TOX: variants seen among roughly 807,000 people sequenced by gnomAD.
TOX encodes thymocyte selection associated high mobility group box.
Under a neutral mutation model 53.7 loss-of-function variants are expected in TOX, and 11 were observed. The ratio of observed to expected loss-of-function variants is 0.20; its 90% CI spans 0.13 to 0.34. The LOEUF (loss-of-function observed/expected upper bound fraction) is 0.34, where lower values mean the gene tolerates loss of function less well. Ranked by LOEUF, TOX falls within the 10% of genes least tolerant of loss-of-function variation. The pLI, the probability that TOX is intolerant of heterozygous loss-of-function variation, is 1.00. For synonymous variants in TOX, 225 were observed against 245.3 expected, an observed-to-expected ratio of 0.92 and a Z score of 0.77; for missense variants, 570 against 664.6, an observed-to-expected ratio of 0.86 and a Z score of 1.56.
chr8:59,117,103 G>A lies in TOX; in HGVS notation c.102+1783C>T, dbSNP rs557966586. 2.4e-3 allele frequency among the ~76,000 whole-genome samples: 372 copies of A among 152,278 alleles called. 1 individual carries two copies. Among genetic ancestry groups the A allele is most frequent in the African/African-American group, 8.3e-3 (345 of 41,558 alleles). On this transcript the variant is annotated intron_variant, in intron 1 of 8. Coordinates refer to ENST00000361421, the MANE Select transcript of TOX (RefSeq NM_014729.3). This position sits in a 1 kb window ranked among gnomAD's most constrained non-coding sequence, Gnocchi z 4.6. The stretch of plus-strand genomic sequence containing the variant: ...ATCACTGATAAACTTAATAAGATTT[G>A]TCCAGTCTCATTGCCAAAATAGTTC...
intron 2 of TOX, among the ~76,000 whole-genome samples, chr8:58,940,004 A>T (rs1377633717): frequency 6.6e-6 from 1 of 152,226 alleles, no homozygotes; most frequent in Admixed American, 6.5e-5. Context: ...TTGAAAGGCT[A>T]CCTGCTCACA....
chr8:59,113,957 T>G (rs1805061798), intron 1 of TOX, among the ~76,000 whole-genome samples: 1 of 152,154 alleles, frequency 6.6e-6, no homozygotes. Context: ...CCCACTACCT[T>G]CGTCATTTTC....
At chr8:59,087,224 T>C (rs1018393626) in intron 1 of TOX, among the ~76,000 whole-genome samples, 4 of 152,200 alleles carry the variant, frequency 2.6e-5, no homozygotes, top group African/African-American at 7.2e-5. Flanking sequence ...TTGTGAAGCA[T>C]GGCACCCAGG....
At chr8:58,912,885 G>C (rs544350337) in intron 3 of TOX, among the ~76,000 whole-genome samples, 11 of 152,182 alleles carry the variant, frequency 7.2e-5, no homozygotes, top group Non-Finnish European at 1.2e-4. Context: ...TCTTACAGCA[G>C]AGTGTTCTAC....
intron 3 of TOX, among the ~76,000 whole-genome samples, chr8:58,938,175 G>A (rs1812378510): frequency 6.6e-6 from 1 of 152,078 alleles, no homozygotes; most frequent in African/African-American, 2.4e-5. Flanking sequence ...AACTACTTTG[G>A]AGTTTCTTTT....
At chr8:59,109,831 T>C (rs1804979979) in intron 1 of TOX, among the ~76,000 whole-genome samples, 1 of 152,120 alleles carries the variant, frequency 6.6e-6, no homozygotes, top group South Asian at 2.1e-4. Flanking sequence ...AGGAGCTGAA[T>C]CTCAAAAGGC....
intron 3 of TOX, among the ~76,000 whole-genome samples, chr8:58,890,063 A>G (rs1404331944): frequency 6.6e-6 from 1 of 152,178 alleles, no homozygotes; most frequent in Non-Finnish European, 1.5e-5. Flanking sequence ...GTGAGGTGTA[A>G]TCATTTGCAC....
chr8:58,983,603 CA>C (rs747183447), intron 1 of TOX, among the ~76,000 whole-genome samples: 1 of 152,170 alleles, frequency 6.6e-6, no homozygotes, highest in Non-Finnish European at 1.5e-5. Context: ...GAACTCCATA[CA>C]AATAAATATC....
At chr8:59,070,931 C>G (rs561309002) in intron 1 of TOX, among the ~76,000 whole-genome samples, 3 of 152,076 alleles carry the variant, frequency 2.0e-5, no homozygotes, top group African/African-American at 7.2e-5. Context: ...AACCCCTGTA[C>G]GATAGAGAAA....
intron 3 of TOX, among the ~76,000 whole-genome samples, chr8:58,895,083 G>C (rs556197219): frequency 6.6e-6 from 1 of 152,132 alleles, no homozygotes; most frequent in Admixed American, 6.6e-5. Flanking sequence ...AGCTACTCAG[G>C]AGGCTGAGGC....
rs185071639 is a variant in TOX, at chr8:58,961,860, T to C, written c.103-1852A>G. On this transcript the variant is annotated intron_variant, in intron 1 of 8. Transcript: ENST00000361421. ...ATAGGCCAGCCCCAACCAATCTGCCTGTTACTCCTAACAACTCAAGACCTA... is the reference window on the plus strand; with the variant it reads ...ATAGGCCAGCCCCAACCAATCTGCCCGTTACTCCTAACAACTCAAGACCTA... 2.9e-3 allele frequency among the ~76,000 whole-genome samples: 443 copies of C among 152,320 alleles called. 5 individuals are homozygous for C. The highest frequency in any genetic ancestry group is 2.8e-3 in the Non-Finnish European group (193 of 68,034).
intron 1 of TOX, among the ~76,000 whole-genome samples, chr8:59,109,236 G>A (rs565134770): frequency 6.6e-6 from 1 of 152,154 alleles, no homozygotes; most frequent in African/African-American, 2.4e-5. Context: ...TAATTATAAA[G>A]GAGCTCACGG....
intron 1 of TOX, among the ~76,000 whole-genome samples, chr8:59,010,922 T>C (rs1813893762): frequency 1.3e-5 from 2 of 152,202 alleles, no homozygotes; most frequent in South Asian, 4.1e-4. Flanking sequence ...TGTGCCTATC[T>C]GCATAGCTGA....
At chr8:58,956,977 T>C (rs1812720209) in intron 2 of TOX, among the ~76,000 whole-genome samples, 1 of 152,242 alleles carries the variant, frequency 6.6e-6, no homozygotes, top group African/African-American at 2.4e-5. Context: ...TTGTTCATCC[T>C]ACATATCACT....
At chr8:59,114,403 G>T (rs1805067321) in intron 1 of TOX, among the ~76,000 whole-genome samples, 1 of 152,122 alleles carries the variant, frequency 6.6e-6, no homozygotes, top group Admixed American at 6.5e-5. Flanking sequence ...AGTCAAGATA[G>T]CTACATTTGA....
chr8:58,931,371 A>G (rs1812250853), intron 3 of TOX, among the ~76,000 whole-genome samples: 1 of 152,196 alleles, frequency 6.6e-6, no homozygotes, highest in South Asian at 2.1e-4. Flanking sequence ...GTTGAAAAAT[A>G]ATGACCTTTG....
At chr8:58,950,535 C>T (rs1461003934) in intron 2 of TOX, among the ~76,000 whole-genome samples, 1 of 152,186 alleles carries the variant, frequency 6.6e-6, no homozygotes, top group Non-Finnish European at 1.5e-5. Flanking sequence ...TGGAGGTCAT[C>T]TCACTTGCTA....
chr8:58,967,481 T>C (rs992830824), intron 1 of TOX, among the ~76,000 whole-genome samples: 2 of 152,104 alleles, frequency 1.3e-5, no homozygotes, highest in African/African-American at 2.4e-5. Flanking sequence ...GCTGACACTG[T>C]TCCCATGTAG....
intron 1 of TOX, among the ~76,000 whole-genome samples, chr8:59,000,927 A>G (rs938279554): frequency 6.6e-6 from 1 of 152,142 alleles, no homozygotes; most frequent in African/African-American, 2.4e-5. Context: ...TGAAATTTAA[A>G]GGTGCTTTCT....
Sources: gnomAD v4.1 joint callset for allele counts (sites outside exome capture counted in the v4.1 genomes callset) on GRCh38, gnomAD v4.1.1 for gene constraint, Gnocchi (gnomAD v3.1) non-coding constraint, MANE v1.5 for transcripts, NCBI Gene and HGNC (gene_info 2026-07-23, HGNC 2026-07-21) for gene names.